Variants in TESMIN observed in about 807,000 individuals in gnomAD.
TESMIN encodes CXC domain containing 2.
Under a neutral mutation model 47.4 loss-of-function variants are expected in TESMIN, and 34 were observed. That is an observed-to-expected ratio of 0.72 (90% CI 0.55 to 0.96). The LOEUF (loss-of-function observed/expected upper bound fraction) is 0.96. TESMIN is among the 40% of genes least tolerant of loss of function. The pLI is 0.00. For missense variants in TESMIN, 610 were observed against 637.2 expected, an observed-to-expected ratio of 0.96 and a Z score of 0.46; for synonymous variants, 278 against 258.9, an observed-to-expected ratio of 1.07 and a Z score of -0.71.
Position 68,750,314 on chromosome 11 carries a change from T to C in TESMIN, c.347A>G (p.Gln116Arg). 4 of 1,517,560 alleles carry C rather than the reference T, an allele frequency of 2.6e-6. No homozygotes were observed. The highest frequency in any genetic ancestry group is 2.6e-5 in the South Asian group (2 of 78,374). 94.0% of individuals were successfully genotyped at this position (1,517,560 alleles called of 1,614,324 possible). Residue 116 changes from glutamine to arginine, a missense_variant, in exon 2 of 10, where the codon CAG becomes CGG. Transcript: ENST00000255087. Reference protein sequence around the residue: ...LEDVALLQAPQPPACNVHFLS... With the variant: ...LEDVALLQAPRPPACNVHFLS... ...GAAGTGCACGTTGCAGGCGGGCGGC[T>C]GCGGGGCCTGCAGGAGCGCGACGTC...
intron 5 of TESMIN, among the ~76,000 whole-genome samples, chr11:68,739,893 A>G (rs1469115236): frequency 6.6e-6 from 1 of 152,186 alleles, no homozygotes; most frequent in Non-Finnish European, 1.5e-5. Context: ...TGGAGAAAGG[A>G]TGTCATAGTT....
At chr11:68,712,955 TGGA>T (rs1163223794) in intron 8 of TESMIN, among the ~76,000 whole-genome samples, 1 of 152,034 alleles carries the variant, frequency 6.6e-6, no homozygotes, top group Non-Finnish European at 1.5e-5. Flanking sequence ...TCCACCCTGT[TGGA>T]GGACCAGCGT....
chr11:68,750,161 G>A, intron 2 of TESMIN, 29 bp downstream of exon 2: 2 of 1,427,852 alleles, frequency 1.4e-6, no homozygotes, highest in Non-Finnish European at 1.8e-6. Flanking sequence ...TGGAGGGGGA[G>A]CTGTGCCCAT....
rs1403689882 is a variant in TESMIN at position 68,745,060 on chromosome 11, T to C, written c.682A>G (p.Arg228Gly). The change falls in exon 4 of 10, where the codon AGA (arginine) becomes GGA (glycine). Residue 228 changes from arginine to glycine, a missense_variant. Physicochemically the swap from Arg to Gly is moderately radical, Grantham distance 125. Transcript: ENST00000255087. ...GTQMLCIDNSRTRELKALHLV... is the reference protein window; with the variant it reads ...GTQMLCIDNSGTRELKALHLV... ...TGGAGTGCTTTTAGTTCTCTTGTTC[T>C]AGAATTGTCTATACATAGCATTTGT... The C allele has an allele frequency of 6.3e-7, 1 of 1,594,400 alleles. No individual in the cohort carries two copies. Among genetic ancestry groups the C allele is most frequent in the Non-Finnish European group, 8.5e-7 (1 of 1,175,154 alleles).
At chr11:68,726,954 G>C (rs1178237195) in intron 6 of TESMIN, among the ~76,000 whole-genome samples, 1 of 151,962 alleles carries the variant, frequency 6.6e-6, no homozygotes, top group African/African-American at 2.4e-5. Context: ...GATAGCAGGA[G>C]GTTGAGGCAG....
At chr11:68,743,882 A>G (rs1331043470) in intron 4 of TESMIN, among the ~76,000 whole-genome samples, 2 of 152,190 alleles carry the variant, frequency 1.3e-5, no homozygotes, top group Non-Finnish European at 2.9e-5. Flanking sequence ...TGGGGGGAGT[A>G]TGATTATATG....
chr11:68,711,141 G>T, intron 8 of TESMIN, 92 bp from the exon 9 acceptor site: 1 of 1,126,976 alleles, frequency 8.9e-7, no homozygotes, highest in Non-Finnish European at 1.3e-6. Flanking sequence ...AATTCTTCGC[G>T]TATATTTGCC....
At chr11:68,733,714 C>T (rs1946355063) in intron 6 of TESMIN, 1 of 152,094 alleles carries the variant, frequency 6.6e-6, no homozygotes, top group South Asian at 2.1e-4. Flanking sequence ...GTCCCATGAA[C>T]TAAGAGTTAC....
chr11:68,750,999 G>A (rs1297827286), intron 1 of TESMIN, among the ~76,000 whole-genome samples: 1 of 110,776 alleles, frequency 9.0e-6, no homozygotes. Flanking sequence ...TCAGGTGAGC[G>A]GCGACCAGGG....
chr11:68,712,684 G>T (rs1320106607), intron 8 of TESMIN, among the ~76,000 whole-genome samples: 1 of 152,228 alleles, frequency 6.6e-6, no homozygotes, highest in African/African-American at 2.4e-5. Flanking sequence ...AAAAGCTTTT[G>T]TCCAGGCCGT....
chr11:68,738,311 C>T, intron 6 of TESMIN: 2 of 1,010,008 alleles, frequency 2.0e-6, no homozygotes, highest in Non-Finnish European at 1.2e-6. Flanking sequence ...ACTCTGCAGC[C>T]CCCCGTTCAT....
intron 6 of TESMIN, chr11:68,733,508 A>G (rs1269228000): frequency 6.6e-6 from 1 of 152,242 alleles, no homozygotes; most frequent in Non-Finnish European, 1.5e-5. Flanking sequence ...GTTTTGGTTG[A>G]CAACGAGCAT....
At chr11:68,715,109 G>A (rs961233424) in intron 7 of TESMIN, among the ~76,000 whole-genome samples, 1 of 152,182 alleles carries the variant, frequency 6.6e-6, no homozygotes, top group African/African-American at 2.4e-5. Flanking sequence ...CCTTATAATT[G>A]TGTTCTATTT....
At chr11:68,715,671 T>C (rs539762604) in intron 7 of TESMIN, among the ~76,000 whole-genome samples, 166 bp downstream of exon 7, 1 of 152,346 alleles carries the variant, frequency 6.6e-6, no homozygotes, top group East Asian at 1.9e-4. Context: ...CAACAGCCGC[T>C]TGTCGTGGTT....
chr11:68,717,028 T>G (rs1946148064), intron 6 of TESMIN, among the ~76,000 whole-genome samples: 1 of 152,208 alleles, frequency 6.6e-6, no homozygotes, highest in Admixed American at 6.5e-5. Context: ...CCCAAAGCGC[T>G]GCTGAGGGAA....
chr11:68,747,728 A>C (rs1946539267), intron 2 of TESMIN, among the ~76,000 whole-genome samples: 1 of 152,206 alleles, frequency 6.6e-6, no homozygotes, highest in African/African-American at 2.4e-5. Flanking sequence ...TTATAGGAAG[A>C]TTTGTAATTA....
At chr11:68,712,267 T>A (rs534851562) in intron 8 of TESMIN, among the ~76,000 whole-genome samples, 3 of 152,328 alleles carry the variant, frequency 2.0e-5, no homozygotes, top group South Asian at 2.1e-4. Context: ...GTGGGTGCGA[T>A]TGGAAGTGGT....
intron 6 of TESMIN, among the ~76,000 whole-genome samples, chr11:68,724,681 G>T (rs1232217734): frequency 6.6e-6 from 1 of 152,172 alleles, no homozygotes; most frequent in Non-Finnish European, 1.5e-5. Context: ...GTAGGGGCTG[G>T]TGCAGCCTTC....
intron 6 of TESMIN, among the ~76,000 whole-genome samples, chr11:68,719,982 AG>A (rs1381613629): frequency 1.3e-5 from 2 of 152,230 alleles, no homozygotes; most frequent in Non-Finnish European, 2.9e-5. Context: ...ATGAACTCTA[AG>A]AAAGACAAAC....
Sources: allele counts gnomAD v4.1 joint callset (sites outside exome capture counted in the v4.1 genomes callset), GRCh38; gene constraint gnomAD v4.1.1; transcripts MANE v1.5; gene names NCBI Gene and HGNC (gene_info 2026-07-23, HGNC 2026-07-21).